Variants in AFF2 observed in about 807,000 individuals in gnomAD.
AFF2 encodes the protein ALF transcription elongation factor 2, also known as AF4/FMR2 family member 2.
Under a neutral mutation model 76.9 loss-of-function variants are expected in AFF2, and 14 were observed. That is an observed-to-expected ratio of 0.18 (90% CI 0.12 to 0.28). The LOEUF (loss-of-function observed/expected upper bound fraction) is 0.28, where lower values mean the gene tolerates loss of function less well. Among genes scored for constraint, AFF2 ranks in the 10% least tolerant of loss-of-function variants. AFF2 has a pLI of 1.00. For missense variants in AFF2, 868 were observed against 1,001.1 expected, an observed-to-expected ratio of 0.87 and a Z score of 1.79; for synonymous variants, 398 against 366.7, an observed-to-expected ratio of 1.09 and a Z score of -0.98.
chrX:148,971,747 C>CT (rs781928514), intron 15 of AFF2, among the ~76,000 whole-genome samples: 3 of 44,724 alleles, frequency 6.7e-5, no homozygotes, highest in African/African-American at 2.8e-4. Flanking sequence ...TTTTCTATTT[C>CT]TTTTTTTTTT....
At chrX:148,813,133 C>A (rs1482457592) in intron 4 of AFF2, among the ~76,000 whole-genome samples, 19 of 112,370 alleles carry the variant, frequency 1.7e-4, no homozygotes, top group Non-Finnish European at 5.6e-5. Context: ...AAGGTAGTTT[C>A]TTATTATTTC....
At chrX:148,642,610 T>A (rs1247106510) in intron 1 of AFF2, among the ~76,000 whole-genome samples, 1 of 111,765 alleles carries the variant, frequency 8.9e-6, no homozygotes, top group African/African-American at 3.3e-5. Flanking sequence ...GCAACTGGTA[T>A]GGAACTTGGG....
Position 148,978,060 on chromosome X carries a change from A to G in AFF2, c.3476+56A>G. On this transcript the variant is annotated intron_variant, in intron 17 of 20. Transcript: ENST00000370460. ...CTGAAATGTCATGGAAGGATTTGAA[A>G]ACTCTAGATCAACTTAAGCTGCTTA... is the stretch of plus-strand genomic sequence containing the variant. The G allele has an allele frequency of 4.4e-6, 4 of 905,029 alleles. No homozygotes were observed. In the East Asian group the frequency reaches 1.2e-4, roughly 28 times the overall value. The allele number at this position is 905,029 out of a possible 1,213,427, so 74.6% of individuals were successfully genotyped here.
At chrX:148,779,426 T>A (rs1457427083) in intron 3 of AFF2, among the ~76,000 whole-genome samples, 1 of 111,839 alleles carries the variant, frequency 8.9e-6, no homozygotes, top group African/African-American at 3.3e-5. Flanking sequence ...TTGATCTGTC[T>A]AATATTGACA....
chrX:148,762,277 A>G (rs1213288582), intron 3 of AFF2, among the ~76,000 whole-genome samples: 3 of 109,453 alleles, frequency 2.7e-5, no homozygotes, highest in Non-Finnish European at 5.7e-5. Flanking sequence ...GCTCCCACTT[A>G]TAAGAGAGAA....
chrX:148,679,614 A>G (rs1370132469), intron 3 of AFF2, among the ~76,000 whole-genome samples: 1 of 111,909 alleles, frequency 8.9e-6, no homozygotes, highest in Non-Finnish European at 1.9e-5. Flanking sequence ...TTAATTATTC[A>G]TTTATGTAGT....
chrX:148,511,153 A>T (rs1376334242), intron 1 of AFF2, among the ~76,000 whole-genome samples: 1 of 111,600 alleles, frequency 9.0e-6, no homozygotes, highest in East Asian at 2.8e-4. Flanking sequence ...TGTGTACAGC[A>T]TTTTGAGATT....
At chrX:148,585,392 T>C (rs1557245738) in intron 1 of AFF2, among the ~76,000 whole-genome samples, 1 of 112,129 alleles carries the variant, frequency 8.9e-6, no homozygotes, top group Non-Finnish European at 1.9e-5. Flanking sequence ...AATGGAGTGA[T>C]AATAGTACCT....
At chrX:148,862,888 G>C (rs1230391043) in intron 7 of AFF2, among the ~76,000 whole-genome samples, 3 of 112,079 alleles carry the variant, frequency 2.7e-5, no homozygotes, top group Admixed American at 1.9e-4. Context: ...CTTGATAGCA[G>C]ATAATTATTT....
At chrX:148,503,578 G>A (rs1470053442) in intron 1 of AFF2, among the ~76,000 whole-genome samples, 10 of 112,115 alleles carry the variant, frequency 8.9e-5, no homozygotes, top group African/African-American at 3.2e-4. Flanking sequence ...ACAATAAATG[G>A]ATCAGGACAG....
At chrX:148,722,623 C>T (rs184210597) in intron 3 of AFF2, among the ~76,000 whole-genome samples, 1 of 111,376 alleles carries the variant, frequency 9.0e-6, no homozygotes, top group Admixed American at 9.5e-5. Context: ...CCTAGTTCGT[C>T]CTCCATACTA....
At chrX:148,731,178 T>G (rs1243989434) in intron 3 of AFF2, among the ~76,000 whole-genome samples, 3 of 112,093 alleles carry the variant, frequency 2.7e-5, no homozygotes, top group African/African-American at 9.7e-5. Flanking sequence ...GCTGCACGTG[T>G]CCACACCTCA....
At chrX:148,619,059 C>T (rs2053841931) in intron 1 of AFF2, among the ~76,000 whole-genome samples, 1 of 111,153 alleles carries the variant, frequency 9.0e-6, no homozygotes, top group Admixed American at 9.6e-5. Context: ...CTTCCTGTTT[C>T]TTCCTCAGCT....
At chrX:148,751,702 T>G (rs2055500811) in intron 3 of AFF2, among the ~76,000 whole-genome samples, 1 of 111,618 alleles carries the variant, frequency 9.0e-6, no homozygotes, top group South Asian at 3.8e-4. Context: ...AAATAGCAGG[T>G]GCTTAAAAAA....
intron 1 of AFF2, among the ~76,000 whole-genome samples, chrX:148,507,523 C>T (rs190632630): frequency 7.9e-4 from 88 of 111,604 alleles, no homozygotes; most frequent in African/African-American, 2.8e-3. Context: ...GTTGGGATTC[C>T]TCCAGCTTTC....
intron 3 of AFF2, among the ~76,000 whole-genome samples, chrX:148,724,165 G>A (rs1476190120): frequency 6.3e-5 from 7 of 110,583 alleles, no homozygotes; most frequent in Admixed American, 3.9e-4. Context: ...ATGGCCATGG[G>A]ATTTTGTACA....
chrX:148,975,774 CTCT>C (rs2072314257), intron 16 of AFF2, among the ~76,000 whole-genome samples: 2 of 101,433 alleles, frequency 2.0e-5, no homozygotes, highest in Non-Finnish European at 4.0e-5. Flanking sequence ...GAAACCCCGT[CTCT>C]ACTAAAAATA....
chrX:148,991,443 T>C lies in AFF2; in HGVS notation c.*111T>C, dbSNP rs2072532688. On this transcript the variant is annotated 3_prime_UTR_variant, in exon 21 of 21. Transcript: ENST00000370460. Reference sequence around the variant, plus strand: ...GGGGAACGTTCTCTTTGGTTATGTTTGTTTTTATGCTTCTTTTGTTATCTG... The same window carrying C: ...GGGGAACGTTCTCTTTGGTTATGTTCGTTTTTATGCTTCTTTTGTTATCTG... 1 of 892,134 alleles carries C rather than the reference T, an allele frequency of 1.1e-6. No individual in the cohort carries two copies. The highest frequency in any genetic ancestry group is 1.5e-6 in the Non-Finnish European group (1 of 671,752). The allele number at this position is 892,134 out of a possible 1,213,427, so 73.5% of individuals were successfully genotyped here.
intron 9 of AFF2, among the ~76,000 whole-genome samples, chrX:148,938,043 ATTT>A (rs1174700415): frequency 8.9e-6 from 1 of 112,226 alleles, no homozygotes; most frequent in East Asian, 2.8e-4. Flanking sequence ...ATGGAGCATA[ATTT>A]AACATGAGGA....
Sources: gnomAD v4.1 joint callset for allele counts (sites outside exome capture counted in the v4.1 genomes callset) on GRCh38, gnomAD v4.1.1 for gene constraint, MANE v1.5 for transcripts, NCBI Gene and HGNC (gene_info 2026-07-23, HGNC 2026-07-21) for gene names.